The following LARGE1 variants were observed in gnomAD, a reference collection of about 807,000 sequenced individuals.
LARGE1 encodes xylosyl- and glucuronyltransferase LARGE1.
A neutral mutation model predicts 87.6 loss-of-function variants in LARGE1; 43 were observed. That is an observed-to-expected ratio of 0.49 (90% CI 0.38 to 0.63). The LOEUF (loss-of-function observed/expected upper bound fraction) is 0.63. Ranked by LOEUF, LARGE1 falls within the 30% of genes least tolerant of loss-of-function variation. LARGE1 has a pLI of 0.00. For synonymous variants in LARGE1, 434 were observed against 394.6 expected (o/e 1.10, Z -1.18); for missense variants, 802 against 1,000.2 (o/e 0.80, Z 2.67).
At chr22:33,903,697 C>T (rs992270455) in intron 1 of LARGE1, among the ~76,000 whole-genome samples, 17 of 151,842 alleles carry the variant, frequency 1.1e-4, no homozygotes, top group African/African-American at 3.9e-4. Flanking sequence ...TGGTGGTGGG[C>T]GCCTGTGATC....
At chr22:33,792,781 C>T (rs1475786955) in intron 1 of LARGE1, among the ~76,000 whole-genome samples, 1 of 152,206 alleles carries the variant, frequency 6.6e-6, no homozygotes, top group African/African-American at 2.4e-5. Flanking sequence ...TCCACACCCT[C>T]CTTTCTCTCC....
At chr22:33,738,736 T>C (rs2083755035) in intron 2 of LARGE1, among the ~76,000 whole-genome samples, 1 of 151,860 alleles carries the variant, frequency 6.6e-6, no homozygotes, top group Non-Finnish European at 1.5e-5. Flanking sequence ...TCCCAGCTAC[T>C]TGGGAGGCTG....
the LARGE1 span, among the ~76,000 whole-genome samples, chr22:33,139,948 A>C: frequency 3.7e-4 from 57 of 152,278 alleles, no homozygotes; most frequent in African/African-American, 1.3e-3. Context: ...TTTTGGAGTG[A>C]CACTCTTGCT....
chr22:33,313,801 C>T (rs1935862143), intron 11 of LARGE1, among the ~76,000 whole-genome samples: 2 of 152,182 alleles, frequency 1.3e-5, no homozygotes, highest in Non-Finnish European at 2.9e-5. Flanking sequence ...CCTGGATAAT[C>T]CCTTGAGATT....
chr22:33,291,640 CA>C (rs779304928), intron 12 of LARGE1, among the ~76,000 whole-genome samples: 1 of 150,110 alleles, frequency 6.7e-6, no homozygotes, highest in Non-Finnish European at 1.5e-5. Context: ...TGTATTACAT[CA>C]ATACATACAT....
upstream of LARGE1, among the ~76,000 whole-genome samples, chr22:33,921,192 G>T (rs921407964): frequency 2.0e-5 from 3 of 151,970 alleles, no homozygotes; most frequent in African/African-American, 7.2e-5. This position sits in a 1 kb window ranked among gnomAD's most constrained non-coding sequence, Gnocchi z 4.1. Flanking sequence ...TCCGCCCCCC[G>T]GCGAGACTCC....
At chr22:33,274,929 C>T (rs963240689) in intron 14 of LARGE1, among the ~76,000 whole-genome samples, 1 of 152,200 alleles carries the variant, frequency 6.6e-6, no homozygotes, top group Non-Finnish European at 1.5e-5. Flanking sequence ...GAGCCGAGCT[C>T]ATGGCCTAGA....
chr22:33,469,383 A>C (rs752073823), intron 6 of LARGE1, among the ~76,000 whole-genome samples: 24 of 152,238 alleles, frequency 1.6e-4, no homozygotes, highest in Non-Finnish European at 2.1e-4. Context: ...CCTTTGCAGC[A>C]ATACGGATGG....
chr22:33,914,288 C>G (rs2065722653), intron 1 of LARGE1, among the ~76,000 whole-genome samples: 1 of 152,170 alleles, frequency 6.6e-6, no homozygotes, highest in Admixed American at 6.5e-5. Flanking sequence ...CTCTGTTTTT[C>G]TTCAAAAGAC....
At position 33,696,541 on chromosome 22, in the gene LARGE1, G is replaced by T. The variant is rs1027686759; in HGVS notation, c.107-45873C>A. Among the ~76,000 whole-genome samples the T allele has an allele frequency of 5.3e-5, 8 of 152,116 alleles. No individual in the cohort carries two copies. In the East Asian group the frequency reaches 7.7e-4, roughly 15 times the overall value. On this transcript the variant is annotated intron_variant, in intron 2 of 14. Coordinates refer to ENST00000397394, the MANE Select transcript of LARGE1 (RefSeq NM_133642.5). ...GCCTCCCAAAGTGCTAGGATTACAGGCCTATCTATTCAGTTTTATAGGAAA... is the reference window on the plus strand; with the variant it reads ...GCCTCCCAAAGTGCTAGGATTACAGTCCTATCTATTCAGTTTTATAGGAAA...
intron 10 of LARGE1, among the ~76,000 whole-genome samples, chr22:33,320,441 C>A (rs562774577): frequency 2.6e-5 from 4 of 152,318 alleles, no homozygotes; most frequent in African/African-American, 7.2e-5. Context: ...TTCTTCTCTG[C>A]GCTCCAAGAG....
intron 2 of LARGE1, among the ~76,000 whole-genome samples, chr22:33,742,001 GTGT>G (rs1407887813): frequency 6.6e-6 from 1 of 152,176 alleles, no homozygotes; most frequent in Non-Finnish European, 1.5e-5. Flanking sequence ...CCAACCGGCT[GTGT>G]TTCTGCAGTT....
At chr22:33,180,706 G>A (rs537217127) in intron 11 of LARGE1, among the ~76,000 whole-genome samples, 1 of 152,200 alleles carries the variant, frequency 6.6e-6, no homozygotes, top group Non-Finnish European at 1.5e-5. Flanking sequence ...TAAATAAAAT[G>A]TGATAAATCC....
chr22:33,832,989 T>A (rs924590122), intron 1 of LARGE1, among the ~76,000 whole-genome samples: 5 of 152,170 alleles, frequency 3.3e-5, no homozygotes, highest in Non-Finnish European at 7.4e-5. Flanking sequence ...GCCACAGTGA[T>A]TCAGTAAGTC....
chr22:33,562,798 ATC>A (rs1185490433), intron 6 of LARGE1: 1 of 152,494 alleles, frequency 6.6e-6, no homozygotes, highest in African/African-American at 2.4e-5. Context: ...CAGCTCTACA[ATC>A]TCTGATGACC....
chr22:33,610,678 G>C (rs2079401633), intron 4 of LARGE1, among the ~76,000 whole-genome samples: 2 of 152,180 alleles, frequency 1.3e-5, no homozygotes, highest in Non-Finnish European at 2.9e-5. Flanking sequence ...ACTTGCTAGA[G>C]ATATTAGCAT....
the LARGE1 span, among the ~76,000 whole-genome samples, chr22:33,076,749 A>C: frequency 7.6e-4 from 116 of 152,360 alleles, no homozygotes; most frequent in African/African-American, 2.8e-3. Context: ...AGATAAGCTT[A>C]AGATAAGCCA....
the LARGE1 span, among the ~76,000 whole-genome samples, chr22:33,096,633 C>T: frequency 6.7e-6 from 1 of 149,268 alleles, no homozygotes. Context: ...GGCGCGATCT[C>T]GGCTCACTGC....
At chr22:33,505,113 C>G (rs569826803) in intron 6 of LARGE1, among the ~76,000 whole-genome samples, 1 of 152,340 alleles carries the variant, frequency 6.6e-6, no homozygotes, top group South Asian at 2.1e-4. Flanking sequence ...TCGTATTACA[C>G]AGTCTCGTGA....
Sources: allele counts gnomAD v4.1 joint callset (sites outside exome capture counted in the v4.1 genomes callset), GRCh38; gene constraint gnomAD v4.1.1; non-coding constraint Gnocchi (gnomAD v3.1); transcripts MANE v1.5; gene names NCBI Gene and HGNC (gene_info 2026-07-23, HGNC 2026-07-21).